ZNF699: variants seen among roughly 807,000 people sequenced by gnomAD.
The protein encoded by ZNF699 is zinc finger protein 699, also known as hangover homolog.
ZNF699 carries 18 observed loss-of-function variants against 22.5 expected under a neutral mutation model. The observed-to-expected ratio is 0.80, with a 90% confidence interval of 0.55 to 1.19. The LOEUF (loss-of-function observed/expected upper bound fraction) is 1.19, where lower values mean the gene tolerates loss of function less well. ZNF699 is among the 50% of genes most tolerant of loss of function. ZNF699 has a pLI of 0.00. For missense variants in ZNF699, 670 were observed against 763.4 expected, an observed-to-expected ratio of 0.88 and a Z score of 1.44; for synonymous variants, 241 against 262.3, an observed-to-expected ratio of 0.92 and a Z score of 0.78.
At position 9,292,875 on chromosome 19, in the gene ZNF699, C is replaced by T. The variant is rs551658741; in HGVS notation, c.*2600G>A. Among the ~76,000 whole-genome samples, 47 of 150,888 alleles carry T rather than the reference C, an allele frequency of 3.1e-4. No individual in the cohort carries two copies. Among genetic ancestry groups the T allele is most frequent in the African/African-American group, 1.0e-3 (42 of 41,148 alleles). ...TAAGTCTGGGTGCAGTGGCTCACGC[C>T]TATAATCCCAGCACTTTGGGAGGCC... On this transcript the variant is annotated 3_prime_UTR_variant, in exon 6 of 6. Transcript: ENST00000591998.
rs1267818429 is a variant in ZNF699 at position 9,296,048 on chromosome 19, A to G, written c.1356T>C (p.Cys452=). Residue 452 remains cysteine, a synonymous_variant, in exon 6 of 6, where the codon TGT becomes TGC. Transcript: ENST00000591998. ...SREKPYECKE[C]GKAFSCPSSF... is the part of the protein sequence containing the mutation. ...ACGAGGGACAACTAAAGGCCTTCCC[A>G]CATTCCTTACATTCATAGGGTTTCT... is the stretch of plus-strand genomic sequence containing the variant. The G allele has an allele frequency of 1.9e-6, 3 of 1,614,156 alleles. No individual in the cohort carries two copies. The South Asian group carries it at 3.3e-5, about 18-fold the overall frequency.
chr19:9,296,693 A>G lies in ZNF699; in HGVS notation c.711T>C (p.Cys237=). Residue 237 remains cysteine (C), a synonymous_variant, in exon 6 of 6, where the codon TGT becomes TGC. Coordinates refer to ENST00000591998, the MANE Select transcript of ZNF699 (RefSeq NM_198535.3). ...ECGKAFHFLA[C]FKKHMKTPTE... ...TGGGGGTTTTCATATGCTTCTTGAAACAAGCAAGAAAATGGAAGGCCTTCC... is the reference window on the plus strand; with the variant it reads ...TGGGGGTTTTCATATGCTTCTTGAAGCAAGCAAGAAAATGGAAGGCCTTCC... The G allele has an allele frequency of 6.2e-7, 1 of 1,604,590 alleles. No individual in the cohort carries two copies. Among genetic ancestry groups the G allele is most frequent in the South Asian group, 1.1e-5 (1 of 89,144 alleles).
intron 2 of ZNF699, among the ~76,000 whole-genome samples, chr19:9,302,994 C>T (rs1401366252): frequency 1.3e-5 from 2 of 151,542 alleles, no homozygotes; most frequent in Admixed American, 6.6e-5. Context: ...TGCCACTGCA[C>T]TCTAGCCTGG....
chr19:9,309,614 CG>C lies in ZNF699; in HGVS notation c.-271del, dbSNP rs2066339967. 6.6e-6 allele frequency: 1 copy of C among 152,424 alleles called. No homozygotes were observed. Among genetic ancestry groups the C allele is most frequent in the Non-Finnish European group, 1.5e-5 (1 of 68,226 alleles). 9.4% of individuals were successfully genotyped at this position (152,424 alleles called of 1,614,324 possible). ...AGCTGACCCGGGCTCTCTGAGGAGGCGCCGCGGCGGCGGGAGGCCCCGGGCG... is the reference window on the plus strand; with the variant it reads ...AGCTGACCCGGGCTCTCTGAGGAGGCCCGCGGCGGCGGGAGGCCCCGGGCG... On this transcript the variant is annotated 5_prime_UTR_variant, in exon 1 of 6. Coordinates refer to ENST00000591998, the MANE Select transcript of ZNF699 (RefSeq NM_198535.3).
rs745587172 is a variant in ZNF699 at position 9,296,835 on chromosome 19, G to A, written c.569C>T (p.Thr190Ile). 103 of 1,614,020 alleles carry A rather than the reference G, an allele frequency of 6.4e-5. No individual in the cohort carries two copies. The highest frequency in any genetic ancestry group is 7.8e-5 in the Non-Finnish European group (92 of 1,180,026). ...ATGGCATTCACAGGATTTTACTTCA[G>A]TATTTCTCTTGAGTGAATCAAGATT... ...VPNLDSLKRN[T>I]EVKSCECHEC... The change falls in exon 6 of 6, where the codon ACT (threonine) becomes ATT (isoleucine). Residue 190 changes from threonine (T) to isoleucine (I), a missense_variant. By Grantham distance (89) the Thr-to-Ile change is moderately conservative. Transcript: ENST00000591998.
Position 9,295,789 on chromosome 19 carries a change from C to T in ZNF699, c.1615G>A (p.Ala539Thr). 1.2e-6 allele frequency: 2 copies of T among 1,614,090 alleles called. No individual in the cohort carries two copies. Among genetic ancestry groups the T allele is most frequent in the Non-Finnish European group, 1.7e-6 (2 of 1,180,016 alleles). ...KPYECKKCGK[A>T]FIYPSALRIH... ...CTAAGGGCTGAGGGATAAATAAAGG[C>T]TTTCCCACATTTCTTACATTCATAG... The change falls in exon 6 of 6, where the codon GCC becomes ACC. Residue 539 changes from alanine (A) to threonine (T), a missense_variant. Physicochemically the swap from Ala to Thr is moderately conservative, Grantham distance 58. Coordinates refer to ENST00000591998, the MANE Select transcript of ZNF699 (RefSeq NM_198535.3).
At chr19:9,302,723 TA>T (rs2066312368) in intron 2 of ZNF699, among the ~76,000 whole-genome samples, 1 of 152,156 alleles carries the variant, frequency 6.6e-6, no homozygotes, top group Non-Finnish European at 1.5e-5. Context: ...TTAATACTTC[TA>T]AAACACTAAA....
rs556996564 is a variant in ZNF699, at chr19:9,291,144, A to C, written c.*4331T>G. Among the ~76,000 whole-genome samples, 123 of 152,350 alleles carry C rather than the reference A, an allele frequency of 8.1e-4. No homozygotes were observed. Among genetic ancestry groups the C allele is most frequent in the Non-Finnish European group, 1.1e-3 (76 of 68,018 alleles). On this transcript the variant is annotated 3_prime_UTR_variant, in exon 6 of 6. Transcript: ENST00000591998. The stretch of plus-strand genomic sequence containing the variant: ...TATAAAACACTCTTGAGAAAAGTTA[A>C]AGACAACCTAGGTAAATGGACAATT...
At chr19:9,307,621 A>G (rs755297997) in intron 1 of ZNF699, among the ~76,000 whole-genome samples, 2 of 152,150 alleles carry the variant, frequency 1.3e-5, no homozygotes, top group African/African-American at 4.8e-5. Context: ...TATCTATTAT[A>G]TATTTATAAG....
At chr19:9,298,651 AAAC>A (rs2066296050) in intron 3 of ZNF699, among the ~76,000 whole-genome samples, 1 of 152,196 alleles carries the variant, frequency 6.6e-6, no homozygotes, top group South Asian at 2.1e-4. Flanking sequence ...AAATGAAACA[AAAC>A]AAGGTTACCT....
intron 5 of ZNF699, 25 bp from the exon 6 acceptor site, chr19:9,296,958 T>A (rs60111631): frequency 0.1 from 152,085 of 1,502,158 alleles, 12,023 homozygotes; most frequent in African/African-American, 0.42. Flanking sequence ...AGACACATTA[T>A]TAGTAATAAA....
intron 3 of ZNF699, among the ~76,000 whole-genome samples, chr19:9,300,322 C>T (rs1311818419): frequency 6.6e-6 from 1 of 152,142 alleles, no homozygotes; most frequent in African/African-American, 2.4e-5. Context: ...CCTCGTGATC[C>T]ACCCGCCTCG....
rs923565172 is a variant in ZNF699 at position 9,297,637 on chromosome 19, T to C, written c.287-158A>G. On this transcript the variant is annotated intron_variant, in intron 4 of 5. Coordinates refer to ENST00000591998, the MANE Select transcript of ZNF699 (RefSeq NM_198535.3). The surrounding 1 kb of genome is among the most constrained non-coding windows in gnomAD (Gnocchi z 4.3). ...TGAAACTAACATAACTAATATAGTA[T>C]TAGGAGAACAAAACAGAAATTGGAT... is the stretch of plus-strand genomic sequence containing the variant. 2.0e-5 allele frequency among the ~76,000 whole-genome samples: 3 copies of C among 152,056 alleles called. No individual in the cohort carries two copies. Among genetic ancestry groups the C allele is most frequent in the African/African-American group, 7.2e-5 (3 of 41,388 alleles).
chr19:9,299,880 CAAAA>C (rs945638405), intron 3 of ZNF699, among the ~76,000 whole-genome samples: 2 of 141,966 alleles, frequency 1.4e-5, no homozygotes, highest in Non-Finnish European at 3.1e-5. Context: ...AAAAAAAAGA[CAAAA>C]AAATGAGCCA....
Position 9,296,128 on chromosome 19 carries a change from T to C in ZNF699, c.1276A>G (p.Lys426Glu). The stretch of plus-strand genomic sequence containing the variant: ...AGGGAAGTGGGAAGGTAGAAGGCCT[T>C]TCCACATTCCAGACATTCATACGGT... ...EKPYECLECGKAFYLPTSLNT... is the reference protein window; with the variant it reads ...EKPYECLECGEAFYLPTSLNT... Residue 426 changes from lysine (K) to glutamate (E), a missense_variant, in exon 6 of 6, where the codon AAG becomes GAG. Coordinates refer to ENST00000591998, the MANE Select transcript of ZNF699 (RefSeq NM_198535.3). 6.2e-7 allele frequency: 1 copy of C among 1,613,878 alleles called. No individual in the cohort carries two copies. Among genetic ancestry groups the C allele is most frequent in the Non-Finnish European group, 8.5e-7 (1 of 1,179,962 alleles).
rs190961115 is a variant in ZNF699 at position 9,293,304 on chromosome 19, G to A, written c.*2171C>T. Among the ~76,000 whole-genome samples the A allele has an allele frequency of 4.2e-4, 64 of 152,180 alleles. No homozygotes were observed. The highest frequency in any genetic ancestry group is 8.2e-4 in the Non-Finnish European group (56 of 68,018). On this transcript the variant is annotated 3_prime_UTR_variant, in exon 6 of 6. Transcript: ENST00000591998. Reference sequence around the variant, plus strand: ...ACTATAATCAGAAAGAGCTGGACAGGTGTGTGAAACAACTGGAACTTTCAT... The same window carrying A: ...ACTATAATCAGAAAGAGCTGGACAGATGTGTGAAACAACTGGAACTTTCAT...
chr19:9,291,525 T>A lies in ZNF699; in HGVS notation c.*3950A>T, dbSNP rs1173060286. 2.0e-5 allele frequency: 3 copies of A among 152,030 alleles called. No homozygotes were observed. The allele number at this position is 152,030 out of a possible 1,614,324, so 9.4% of individuals were successfully genotyped here. On this transcript the variant is annotated 3_prime_UTR_variant, in exon 6 of 6. Transcript: ENST00000591998. ...ATAAATCTATATACACACACCTTGATCCTACCTCACACGCTACAAAAAATT... is the reference window on the plus strand; with the variant it reads ...ATAAATCTATATACACACACCTTGAACCTACCTCACACGCTACAAAAAATT...
intron 2 of ZNF699, among the ~76,000 whole-genome samples, chr19:9,303,102 C>A (rs909246577): frequency 2.0e-5 from 3 of 152,178 alleles, no homozygotes; most frequent in Non-Finnish European, 4.4e-5. Flanking sequence ...TTTTCCTACC[C>A]TCTTACATAG....
Position 9,296,614 on chromosome 19 carries a change from A to G in ZNF699, c.790T>C (p.Ser264Pro). ...ATCTTCATATGTGCCCTAAAGAATG[A>G]GGAACAGCTGAAGGCTTTGGTACAT... ...KECTKAFSCS[S>P]FFRAHMKIHI... Residue 264 changes from serine to proline, a missense_variant, in exon 6 of 6, where the codon TCA becomes CCA. Ser to Pro is a moderately conservative substitution (Grantham distance 74). Transcript: ENST00000591998. 6.2e-7 allele frequency: 1 copy of G among 1,614,194 alleles called. No homozygotes were observed. The highest frequency in any genetic ancestry group is 8.5e-7 in the Non-Finnish European group (1 of 1,180,034).
Sources: allele counts gnomAD v4.1 joint callset (sites outside exome capture counted in the v4.1 genomes callset), GRCh38; gene constraint gnomAD v4.1.1; non-coding constraint Gnocchi (gnomAD v3.1); transcripts MANE v1.5; gene names NCBI Gene and HGNC (gene_info 2026-07-23, HGNC 2026-07-21).